APLN: variants seen among roughly 807,000 people sequenced by gnomAD.
The protein encoded by APLN is AGTRL1 ligand.
Under a neutral mutation model 4.3 loss-of-function variants are expected in APLN, and 2 were observed. The observed-to-expected ratio is 0.46, with a 90% CI of 0.19 to 1.45. APLN has a LOEUF of 1.45. Ranked by LOEUF, APLN falls within the 40% of genes most tolerant of loss-of-function variation. The probability of loss-of-function intolerance (pLI) is 0.25; values close to 1 mark genes in which losing one functional copy is unlikely to be tolerated. For synonymous variants in APLN, 34 were observed against 30.4 expected (o/e 1.12, Z -0.38); for missense variants, 80 against 70.0 (o/e 1.14, Z -0.51).
At chrX:129,651,016 A>T (rs1185918336) in intron 1 of APLN, among the ~76,000 whole-genome samples, 1 of 111,618 alleles carries the variant, frequency 9.0e-6, no homozygotes, top group Non-Finnish European at 1.9e-5. Flanking sequence ...GGTGGCAGAC[A>T]TGGAGAAGAG....
Position 129,647,435 on chromosome X carries a change from C to G in APLN, c.*488G>C, listed in dbSNP as rs187831034. The G allele has an allele frequency of 6.7e-4, 213 of 318,019 alleles. No individual in the cohort carries two copies. Among genetic ancestry groups the G allele is most frequent in the Non-Finnish European group, 1.0e-3 (193 of 192,783 alleles). The allele number at this position is 318,019 out of a possible 1,213,427, so 26.2% of individuals were successfully genotyped here. ...GATCCCCGCAGCCAGCACCTCTTAA[C>G]TAGAGTCTCTCCTTGCTTTTCTCTG... On this transcript the variant is annotated 3_prime_UTR_variant, in exon 3 of 3. Transcript: ENST00000429967.
intron 1 of APLN, among the ~76,000 whole-genome samples, chrX:129,653,073 C>CT (rs1306134423): frequency 8.9e-6 from 1 of 112,645 alleles, no homozygotes; most frequent in Non-Finnish European, 1.9e-5. Flanking sequence ...GTATCTTTTG[C>CT]TCCCTCTGTT....
At chrX:129,654,005 G>A (rs193157214) in intron 1 of APLN, among the ~76,000 whole-genome samples, 60 of 112,522 alleles carry the variant, frequency 5.3e-4, no homozygotes, top group African/African-American at 1.7e-3. Flanking sequence ...AGGCCGAAAG[G>A]AGCAACAGCT....
chrX:129,653,152 G>A (rs1320704506), intron 1 of APLN, among the ~76,000 whole-genome samples: 2 of 112,763 alleles, frequency 1.8e-5, no homozygotes, highest in African/African-American at 6.5e-5. Flanking sequence ...CTCACTTCGT[G>A]TTCAGGTCTT....
intron 1 of APLN, among the ~76,000 whole-genome samples, chrX:129,653,072 G>C (rs962152202): frequency 4.4e-5 from 5 of 112,563 alleles, no homozygotes; most frequent in African/African-American, 1.3e-4. Context: ...CGTATCTTTT[G>C]CTCCCTCTGT....
Position 129,645,758 on chromosome X carries a change from G to C in APLN, c.*2165C>G, listed in dbSNP as rs1318773510. On this transcript the variant is annotated 3_prime_UTR_variant, in exon 3 of 3. Transcript: ENST00000429967. ...GCATGGGGACACCCATGACCCCCAGGGGAAAGGAATGCCCCTCCTGAACAT... is the reference window on the plus strand; with the variant it reads ...GCATGGGGACACCCATGACCCCCAGCGGAAAGGAATGCCCCTCCTGAACAT... 8.9e-6 allele frequency: 1 copy of C among 112,428 alleles called. No homozygotes were observed. Among genetic ancestry groups the C allele is most frequent in the Non-Finnish European group, 1.9e-5 (1 of 53,237 alleles). The allele number at this position is 112,428 out of a possible 1,213,427, so 9.3% of individuals were successfully genotyped here. A position where few individuals can be genotyped will look rare whatever the true frequency, so the allele number is the denominator to read the frequency against.
chrX:129,648,473 C>T (rs1473666401), intron 2 of APLN, 148 bp downstream of exon 2: 13 of 675,317 alleles, frequency 1.9e-5, no homozygotes, highest in Non-Finnish European at 2.6e-5. Flanking sequence ...CCCATAAGCT[C>T]TCTTGCCAGC....
intron 1 of APLN, among the ~76,000 whole-genome samples, chrX:129,649,291 T>C (rs1469102125): frequency 1.8e-5 from 2 of 112,444 alleles, no homozygotes; most frequent in Non-Finnish European, 3.8e-5. Flanking sequence ...CTATTTTCCT[T>C]GACTGCAGTA....
chrX:129,653,319 CT>C (rs1936989267), intron 1 of APLN, among the ~76,000 whole-genome samples: 1 of 112,748 alleles, frequency 8.9e-6, no homozygotes, highest in African/African-American at 3.2e-5. Context: ...GCAGGCAGAG[CT>C]GGCTGGGCCC....
intron 1 of APLN, among the ~76,000 whole-genome samples, chrX:129,651,401 G>A (rs1206641228): frequency 1.8e-5 from 2 of 111,927 alleles, no homozygotes; most frequent in Non-Finnish European, 3.8e-5. Flanking sequence ...CTGGCTTTAT[G>A]CTGTCCAAAG....
chrX:129,652,297 G>A (rs73633912), intron 1 of APLN, among the ~76,000 whole-genome samples: 1,939 of 111,568 alleles, frequency 0.017, 51 homozygotes, highest in African/African-American at 0.061. Context: ...TGGTGGTAGC[G>A]GGGTGATGAG....
intron 1 of APLN, among the ~76,000 whole-genome samples, chrX:129,651,264 G>A (rs767914915): frequency 2.9e-4 from 32 of 110,239 alleles, no homozygotes; most frequent in African/African-American, 1.1e-3. Flanking sequence ...CATTGCGTTG[G>A]GGACTCATTG....
rs928518390 is a variant in APLN, at chrX:129,646,785, G to A, written c.*1138C>T. ...GCCAGTTATGGAACCTTCCAGCCCAGCTGGGGGAATGGTGCAGCAGGGGTA... is the reference window on the plus strand; with the variant it reads ...GCCAGTTATGGAACCTTCCAGCCCAACTGGGGGAATGGTGCAGCAGGGGTA... On this transcript the variant is annotated 3_prime_UTR_variant, in exon 3 of 3. Coordinates refer to ENST00000429967, the MANE Select transcript of APLN (RefSeq NM_017413.5). The A allele has an allele frequency of 8.9e-6, 1 of 112,428 alleles. No homozygotes were observed. The highest frequency in any genetic ancestry group is 1.9e-5 in the Non-Finnish European group (1 of 53,220). The allele number at this position is 112,428 out of a possible 1,213,427, so 9.3% of individuals were successfully genotyped here. A position where few individuals can be genotyped will look rare whatever the true frequency, so the allele number is the denominator to read the frequency against.
chrX:129,649,629 G>A (rs867710299), intron 1 of APLN, among the ~76,000 whole-genome samples: 2 of 111,898 alleles, frequency 1.8e-5, no homozygotes, highest in Admixed American at 9.4e-5. Flanking sequence ...TGCACCAGGA[G>A]GGGGGTGGGC....
At chrX:129,654,150 C>T (rs763145234) in intron 1 of APLN, among the ~76,000 whole-genome samples, 11 of 113,087 alleles carry the variant, frequency 9.7e-5, no homozygotes, top group African/African-American at 3.2e-4. Flanking sequence ...GACCAGAAGA[C>T]GTTCAACATG....
At position 129,648,602 on chromosome X, in the gene APLN, T is replaced by A; in HGVS notation, c.*5+19A>T. 1 of 1,202,803 alleles carries A rather than the reference T, an allele frequency of 8.3e-7. No individual in the cohort carries two copies. The highest frequency in any genetic ancestry group is 1.1e-6 in the Non-Finnish European group (1 of 891,299). On this transcript the variant is annotated intron_variant, in intron 2 of 2. Transcript: ENST00000429967. ...CTCCCTCCGCTTTAGCACTGTCCAC[T>A]GAACAGAGGCTCAAGTACCTGCTTC...
In APLN at chrX:129,645,802, C is replaced by T. The variant is rs976258734; in HGVS notation, c.*2121G>A. Reference sequence around the variant, plus strand: ...TGAACATGACCTCCAAGAGTAAGGGCGAACTGTCAGCTTTTAACTGTTTAT... The same window carrying T: ...TGAACATGACCTCCAAGAGTAAGGGTGAACTGTCAGCTTTTAACTGTTTAT... On this transcript the variant is annotated 3_prime_UTR_variant, in exon 3 of 3. Transcript: ENST00000429967. The T allele has an allele frequency of 8.9e-6, 1 of 112,542 alleles. No individual in the cohort carries two copies. The highest frequency in any genetic ancestry group is 2.8e-4 in the East Asian group (1 of 3,602). 9.3% of individuals were successfully genotyped at this position (112,542 alleles called of 1,213,427 possible).
At chrX:129,650,551 C>T (rs900756198) in intron 1 of APLN, among the ~76,000 whole-genome samples, 1 of 112,035 alleles carries the variant, frequency 8.9e-6, no homozygotes, top group African/African-American at 3.2e-5. Flanking sequence ...ATGAGGACCC[C>T]GCTGTTGACT....
At chrX:129,651,045 G>A (rs750565963) in intron 1 of APLN, among the ~76,000 whole-genome samples, 1 of 102,579 alleles carries the variant, frequency 9.7e-6, no homozygotes, top group Non-Finnish European at 1.9e-5. Flanking sequence ...TGCCAGGAGG[G>A]GGAGGGCATC....
Sources: gnomAD v4.1 joint callset for allele counts (sites outside exome capture counted in the v4.1 genomes callset) on GRCh38, gnomAD v4.1.1 for gene constraint, MANE v1.5 for transcripts, NCBI Gene and HGNC (gene_info 2026-07-23, HGNC 2026-07-21) for gene names.